The following BCL11A variants were observed in gnomAD, a reference collection of about 807,000 sequenced individuals.
The protein encoded by BCL11A is BCL11 transcription factor A.
BCL11A carries 2 observed loss-of-function variants against 55.9 expected under a neutral mutation model. The ratio of observed to expected loss-of-function variants is 0.04; its 90% CI spans 0.01 to 0.11. The LOEUF (loss-of-function observed/expected upper bound fraction) is 0.11. Among genes scored for constraint, BCL11A ranks in the 10% least tolerant of loss-of-function variants. The probability of loss-of-function intolerance (pLI) is 1.00; values close to 1 mark genes in which losing one functional copy is unlikely to be tolerated. For missense variants in BCL11A, 817 were observed against 1,137.1 expected (o/e 0.72, Z 4.05); for synonymous variants, 465 against 473.4 (o/e 0.98, Z 0.23).
chr2:60,486,981 G>T (rs1678313506), intron 2 of BCL11A, among the ~76,000 whole-genome samples: 1 of 152,200 alleles, frequency 6.6e-6, no homozygotes, highest in Admixed American at 6.5e-5. Context: ...GAATAAAAAA[G>T]ACTCGGGAGA....
chr2:60,531,326 G>A (rs909431579), intron 2 of BCL11A, among the ~76,000 whole-genome samples: 1 of 152,072 alleles, frequency 6.6e-6, no homozygotes, highest in African/African-American at 2.4e-5. Context: ...ATTAAATACT[G>A]GGACTGCCCC....
intron 2 of BCL11A, among the ~76,000 whole-genome samples, chr2:60,517,679 T>C (rs1023699186): frequency 1.3e-5 from 2 of 152,200 alleles, no homozygotes; most frequent in South Asian, 4.1e-4. Context: ...CAGCCAGGAA[T>C]GAAAGTGGGA....
intron 2 of BCL11A, chr2:60,542,790 A>C (rs1573090201): frequency 6.6e-6 from 1 of 152,192 alleles, no homozygotes; most frequent in African/African-American, 2.4e-5. Flanking sequence ...GCACTTTGGG[A>C]GGCCAAGCCA....
At chr2:60,491,689 GAAAA>G (rs759978839) in intron 2 of BCL11A, among the ~76,000 whole-genome samples, 2 of 134,758 alleles carry the variant, frequency 1.5e-5, no homozygotes, top group African/African-American at 2.8e-5. Context: ...AAAGAAAAAA[GAAAA>G]AAAAAAAAAA....
chr2:60,551,787 C>G (rs1192506110), intron 1 of BCL11A, among the ~76,000 whole-genome samples: 3 of 150,594 alleles, frequency 2.0e-5, no homozygotes, highest in South Asian at 2.1e-4. Context: ...CGCCGGGCGC[C>G]GGGTGGGCGA....
At chr2:60,551,459 C>T (rs1056552172) in intron 1 of BCL11A, among the ~76,000 whole-genome samples, 12 of 152,182 alleles carry the variant, frequency 7.9e-5, no homozygotes, top group African/African-American at 2.9e-4. Flanking sequence ...GTGCTCGGGG[C>T]GCAGGGGGAC....
chr2:60,489,413 CT>C (rs1678485364), intron 2 of BCL11A, among the ~76,000 whole-genome samples: 1 of 152,254 alleles, frequency 6.6e-6, no homozygotes, highest in Admixed American at 6.5e-5. Flanking sequence ...GCCACCAAGT[CT>C]CCTAGAAGCC....
At chr2:60,467,159 G>GTGGTGGTGATGGTGGTGT (rs1346417371) in intron 3 of BCL11A, among the ~76,000 whole-genome samples, 7 of 128,682 alleles carry the variant, frequency 5.4e-5, no homozygotes, top group African/African-American at 1.3e-4. Context: ...GGTGGTGGTG[G>GTGGTGGTGATGGTGGTGT]TGGTGGTGAT....
chr2:60,541,060 T>C (rs987055794), intron 2 of BCL11A, among the ~76,000 whole-genome samples: 1 of 151,926 alleles, frequency 6.6e-6, no homozygotes, highest in Admixed American at 6.6e-5. Context: ...GGAAACTTTG[T>C]CCCCCTCTGC....
At chr2:60,538,153 A>G (rs1669754698) in intron 2 of BCL11A, 2 of 152,262 alleles carry the variant, frequency 1.3e-5, no homozygotes, top group Non-Finnish European at 2.9e-5. Flanking sequence ...CCTCTTTTAC[A>G]GGAAGTTTAA....
In BCL11A at chr2:60,457,240, G is replaced by A. The variant is rs1675981928; in HGVS notation, c.*3164C>T. ...TTTTCAATAAAGGGACAAAATGGGT[G>A]TATGAACAGGTTAATGCAGACAACT... On this transcript the variant is annotated 3_prime_UTR_variant, in exon 4 of 4. Coordinates refer to ENST00000642384, the MANE Select transcript of BCL11A (RefSeq NM_022893.4). 2 of 1,012,298 alleles carry A rather than the reference G, an allele frequency of 2.0e-6. No individual in the cohort carries two copies. The highest frequency in any genetic ancestry group is 4.6e-5 in the South Asian group (1 of 21,506). 62.7% of individuals were successfully genotyped at this position (1,012,298 alleles called of 1,614,324 possible). A position where few individuals can be genotyped will look rare whatever the true frequency, so the allele number is the denominator to read the frequency against.
rs45538833 is a variant in BCL11A, at chr2:60,485,286, C to G, written c.386-16453G>C. Among the ~76,000 whole-genome samples, 645 of 152,274 alleles carry G rather than the reference C, an allele frequency of 4.2e-3. 2 individuals are homozygous for G. Among genetic ancestry groups the G allele is most frequent in the Non-Finnish European group, 6.6e-3 (450 of 68,010 alleles). Reference sequence around the variant, plus strand: ...GTGAGAGGCCATAGCCCAGACTGAACGGCACAGTGACCAGGTAGGGTGGAG... The same window carrying G: ...GTGAGAGGCCATAGCCCAGACTGAAGGGCACAGTGACCAGGTAGGGTGGAG... On this transcript the variant is annotated intron_variant, in intron 2 of 3. Transcript: ENST00000642384.
At chr2:60,505,812 G>A (rs1386800951) in intron 2 of BCL11A, among the ~76,000 whole-genome samples, 1 of 152,182 alleles carries the variant, frequency 6.6e-6, no homozygotes, top group Non-Finnish European at 1.5e-5. Flanking sequence ...AATGGGAAGG[G>A]CCAATTACAG....
intron 2 of BCL11A, chr2:60,528,409 C>T (rs1488095708): frequency 6.6e-6 from 1 of 152,432 alleles, no homozygotes; most frequent in Non-Finnish European, 1.5e-5. Flanking sequence ...TCATTCTGGA[C>T]AGATGGGGAA....
intron 2 of BCL11A, chr2:60,542,510 CAT>C (rs1669968344): frequency 6.6e-6 from 1 of 152,216 alleles, no homozygotes; most frequent in Non-Finnish European, 1.5e-5. Context: ...ATTTGACACA[CAT>C]ATTGATGAAC....
chr2:60,450,928 G>A (rs568946046), downstream of BCL11A: 7 of 159,238 alleles, frequency 4.4e-5, no homozygotes, highest in African/African-American at 1.7e-4. Context: ...TGCTAACACA[G>A]GAAAAGATAC....
intron 2 of BCL11A, among the ~76,000 whole-genome samples, chr2:60,490,353 T>A (rs1305117373): frequency 6.6e-6 from 1 of 152,190 alleles, no homozygotes; most frequent in African/African-American, 2.4e-5. Flanking sequence ...TAGGATATGG[T>A]CCAACTCCTT....
chr2:60,505,712 G>A (rs1176807524), intron 2 of BCL11A, among the ~76,000 whole-genome samples: 1 of 152,196 alleles, frequency 6.6e-6, no homozygotes, highest in East Asian at 1.9e-4. Flanking sequence ...CGGAAGCAGG[G>A]GACACAGCTG....
At chr2:60,486,359 G>T (rs112919590) in intron 2 of BCL11A, among the ~76,000 whole-genome samples, 16 of 152,318 alleles carry the variant, frequency 1.1e-4, no homozygotes, top group African/African-American at 3.6e-4. Context: ...CACACAATGA[G>T]AAAGAACGGA....
Sources: allele counts gnomAD v4.1 joint callset (sites outside exome capture counted in the v4.1 genomes callset), GRCh38; gene constraint gnomAD v4.1.1; transcripts MANE v1.5; gene names NCBI Gene and HGNC (gene_info 2026-07-23, HGNC 2026-07-21).